The following APBB2 variants were observed in gnomAD, a reference collection of about 807,000 sequenced individuals.
APBB2 encodes the protein amyloid beta precursor protein binding family B member 2.
APBB2 carries 38 observed loss-of-function variants against 82.5 expected under a neutral mutation model. The observed-to-expected ratio is 0.46, with a 90% CI of 0.36 to 0.60. The LOEUF is 0.60. APBB2 is among the 20% of genes least tolerant of loss of function. APBB2 has a pLI of 0.00. For synonymous variants in APBB2, 341 were observed against 368.2 expected (o/e 0.93, Z 0.85); for missense variants, 772 against 972.3 (o/e 0.79, Z 2.74).
At chr4:41,065,065 T>C (rs1731235809) in intron 4 of APBB2, among the ~76,000 whole-genome samples, 1 of 152,004 alleles carries the variant, frequency 6.6e-6, no homozygotes, top group South Asian at 2.1e-4. Context: ...GTGGGTGGGA[T>C]CTCTTGAGCC....
chr4:41,079,462 G>A (rs1010711232), intron 3 of APBB2, among the ~76,000 whole-genome samples: 1 of 151,868 alleles, frequency 6.6e-6, no homozygotes, highest in Non-Finnish European at 1.5e-5. Context: ...TTTCCATAGA[G>A]AAACATGGGG....
chr4:40,853,855 T>C (rs574059287), intron 12 of APBB2, among the ~76,000 whole-genome samples: 2 of 152,200 alleles, frequency 1.3e-5, no homozygotes, highest in Non-Finnish European at 2.9e-5. Flanking sequence ...TGCCTCCTGA[T>C]GGCCCCTTTC....
Position 40,815,671 on chromosome 4 carries a change from C to CA in APBB2, c.*420dup, listed in dbSNP as rs1745404259. On this transcript the variant is annotated 3_prime_UTR_variant, in exon 18 of 18. Coordinates refer to ENST00000508593, the MANE Select transcript of APBB2 (RefSeq NM_004307.2). ...GCAGTGCCTACTCCAATGTTGAAAA[C>CA]AGGGCAAAGTGCTGTAGGACTTAAA... 1.2e-5 allele frequency: 2 copies of CA among 169,468 alleles called. No homozygotes were observed. Among genetic ancestry groups the CA allele is most frequent in the African/African-American group, 4.7e-5 (2 of 42,142 alleles). The allele number at this position is 169,468 out of a possible 1,614,324, so 10.5% of individuals were successfully genotyped here. A position where few individuals can be genotyped will look rare whatever the true frequency, so the allele number is the denominator to read the frequency against.
chr4:40,869,081 T>C (rs979471773), intron 12 of APBB2, among the ~76,000 whole-genome samples: 5 of 151,964 alleles, frequency 3.3e-5, no homozygotes, highest in Non-Finnish European at 5.9e-5. Flanking sequence ...CAGGCTGGAG[T>C]GCAGTGGTGA....
At chr4:41,092,975 C>T (rs796137226) in intron 3 of APBB2, among the ~76,000 whole-genome samples, 4 of 152,202 alleles carry the variant, frequency 2.6e-5, no homozygotes, top group African/African-American at 9.6e-5. Flanking sequence ...TCCAGAACAC[C>T]TGAACTTACT....
chr4:40,972,841 C>T (rs1440880347), intron 6 of APBB2, among the ~76,000 whole-genome samples: 2 of 152,216 alleles, frequency 1.3e-5, no homozygotes, highest in Non-Finnish European at 2.9e-5. Flanking sequence ...CAATTTTGCT[C>T]AGTACTTATC....
intron 6 of APBB2, among the ~76,000 whole-genome samples, chr4:40,947,868 G>C (rs751954960): frequency 5.3e-5 from 8 of 152,178 alleles, no homozygotes; most frequent in Admixed American, 6.5e-5. Flanking sequence ...AGAGATGGGA[G>C]GGAGGGAGAG....
chr4:40,855,682 G>A (rs1760963342), intron 12 of APBB2, among the ~76,000 whole-genome samples: 1 of 151,976 alleles, frequency 6.6e-6, no homozygotes, highest in South Asian at 2.1e-4. Flanking sequence ...GTTGCAGTGA[G>A]CCGAGATTGT....
At chr4:41,074,899 A>G (rs1244050319) in intron 3 of APBB2, among the ~76,000 whole-genome samples, 2 of 152,192 alleles carry the variant, frequency 1.3e-5, no homozygotes, top group East Asian at 3.8e-4. Flanking sequence ...CTGTAATCCC[A>G]GCACTTTGGG....
At chr4:41,092,304 A>T (rs1742001683) in intron 3 of APBB2, among the ~76,000 whole-genome samples, 1 of 152,278 alleles carries the variant, frequency 6.6e-6, no homozygotes, top group Non-Finnish European at 1.5e-5. Flanking sequence ...AGCTTACAGC[A>T]GACTGAAGCT....
In APBB2 at chr4:41,098,368, G is replaced by C. The variant is rs187307359; in HGVS notation, c.-149+2271C>G. ...CCCAGCAACTTTTTTATTTTTTGTA[G>C]AGACAGGGTCTCTTTCGTTGTCCAG... On this transcript the variant is annotated intron_variant, in intron 3 of 17. Transcript: ENST00000508593. Among the ~76,000 whole-genome samples the C allele has an allele frequency of 1.2e-3, 184 of 152,046 alleles. 1 individual carries two copies. The highest frequency in any genetic ancestry group is 4.3e-3 in the African/African-American group (180 of 41,454).
chr4:40,830,730 A>C (rs1751581394), intron 12 of APBB2, 153 bp from the exon 13 acceptor site: 1 of 601,336 alleles, frequency 1.7e-6, no homozygotes, highest in Non-Finnish European at 3.0e-6. Context: ...ATAGCTTCCT[A>C]ACATATAGTT....
chr4:40,950,293 A>C (rs1789741669), intron 6 of APBB2, among the ~76,000 whole-genome samples: 1 of 152,244 alleles, frequency 6.6e-6, no homozygotes, highest in South Asian at 2.1e-4. Flanking sequence ...TTAACTAGTA[A>C]AGTGGAAGAT....
chr4:40,831,876 A>G (rs1474054874), intron 12 of APBB2, among the ~76,000 whole-genome samples: 1 of 152,200 alleles, frequency 6.6e-6, no homozygotes, highest in East Asian at 1.9e-4. Flanking sequence ...ACTGATAAAA[A>G]GGATACTGAC....
chr4:41,185,339 T>G (rs566904704), intron 1 of APBB2, among the ~76,000 whole-genome samples: 2 of 152,328 alleles, frequency 1.3e-5, no homozygotes, highest in East Asian at 3.9e-4. Context: ...TACTAAGTTT[T>G]CCTAAGGTTC....
chr4:40,907,365 ATATATATATATATATTTTTT>A (rs1186998627), intron 10 of APBB2, among the ~76,000 whole-genome samples: 33 of 85,026 alleles, frequency 3.9e-4, no homozygotes, highest in Admixed American at 2.1e-3. Context: ...ATATATATAT[ATATATATATATATATTTTTT>A]TTTTTTTTTT....
At chr4:41,112,326 C>G (rs1488152118) in intron 2 of APBB2, among the ~76,000 whole-genome samples, 1 of 152,204 alleles carries the variant, frequency 6.6e-6, no homozygotes, top group Non-Finnish European at 1.5e-5. Context: ...GCATTTCACT[C>G]CCACTGCAAT....
intron 10 of APBB2, among the ~76,000 whole-genome samples, chr4:40,899,287 A>G (rs1201027849): frequency 6.6e-6 from 1 of 152,194 alleles, no homozygotes; most frequent in Non-Finnish European, 1.5e-5. Context: ...GATCTGGGTC[A>G]TGGCTGACCC....
At chr4:40,820,716 T>C (rs757682684) in intron 17 of APBB2, among the ~76,000 whole-genome samples, 2 of 152,072 alleles carry the variant, frequency 1.3e-5, no homozygotes, top group Non-Finnish European at 2.9e-5. Context: ...ATCCCCAGTT[T>C]AGCAATCCTT....
Sources: allele counts gnomAD v4.1 joint callset (sites outside exome capture counted in the v4.1 genomes callset), GRCh38; gene constraint gnomAD v4.1.1; transcripts MANE v1.5; gene names NCBI Gene and HGNC (gene_info 2026-07-23, HGNC 2026-07-21).